The following ZNF217 variants were observed in gnomAD, a reference collection of about 807,000 sequenced individuals.
ZNF217 encodes the protein zinc finger protein 217.
ZNF217 carries 12 observed loss-of-function variants against 73.3 expected under a neutral mutation model. That is an observed-to-expected ratio of 0.16 (90% CI 0.10 to 0.27). The LOEUF (loss-of-function observed/expected upper bound fraction) is 0.27. Among genes scored for constraint, ZNF217 ranks in the 10% least tolerant of loss-of-function variants. The pLI is 1.00. For synonymous variants in ZNF217, 588 were observed against 516.4 expected, an observed-to-expected ratio of 1.14 and a Z score of -1.88; for missense variants, 1,195 against 1,327.8, an observed-to-expected ratio of 0.90 and a Z score of 1.55.
rs748966980 is a variant in ZNF217 at position 53,575,985 on chromosome 20, G to C, written c.2779C>G (p.Leu927Val). 5 of 1,614,208 alleles carry C rather than the reference G, an allele frequency of 3.1e-6. No individual in the cohort carries two copies. The Admixed American group carries it at 8.3e-5, about 27-fold the overall frequency. The change falls in exon 4 of 6, where the codon CTT becomes GTT. Residue 927 changes from leucine (L) to valine (V), a missense_variant. Transcript: ENST00000371471. ...PKRLKSSVVA[L>V]DVDQPGANYR... Reference sequence around the variant, plus strand: ...TTGGCCCCGGGCTGGTCAACGTCAAGGGCAACCACGCTGGACTTCAGTCTT... The same window carrying C: ...TTGGCCCCGGGCTGGTCAACGTCAACGGCAACCACGCTGGACTTCAGTCTT...
chr20:53,583,168 C>G lies in ZNF217; in HGVS notation c.-342G>C. ...ACCTGGAGACAAGGGATTTCCAAAC[C>G]CTAGAGGAAAAAAAACAGAAACGGT... On this transcript the variant is annotated splice_region_variant and 5_prime_UTR_variant, in exon 2 of 6. Coordinates refer to ENST00000371471, the MANE Select transcript of ZNF217 (RefSeq NM_006526.3). 1 of 410,726 alleles carries G rather than the reference C, an allele frequency of 2.4e-6. No individual in the cohort carries two copies. Among genetic ancestry groups the G allele is most frequent in the African/African-American group, 2.1e-5 (1 of 48,764 alleles). 25.4% of individuals were successfully genotyped at this position (410,726 alleles called of 1,614,324 possible). A position where few individuals can be genotyped will look rare whatever the true frequency, so the allele number is the denominator to read the frequency against.
intron 3 of ZNF217, 150 bp downstream of exon 3, chr20:53,578,184 G>A: frequency 1.9e-6 from 1 of 530,846 alleles, no homozygotes. Flanking sequence ...GGCACTAAAA[G>A]AATAAAAATA....
rs139129142 is a variant in ZNF217 at position 53,582,699 on chromosome 20, G to A, written c.128C>T (p.Thr43Ile). The A allele has an allele frequency of 2.5e-6, 4 of 1,613,956 alleles. No individual in the cohort carries two copies. Among genetic ancestry groups the A allele is most frequent in the Non-Finnish European group, 3.4e-6 (4 of 1,180,026 alleles). Residue 43 changes from threonine (T) to isoleucine (I), a missense_variant, in exon 2 of 6, where the codon ACC becomes ATC. By Grantham distance (89) the Thr-to-Ile change is moderately conservative. Around this residue, in one of 9 missense-constraint regions of ZNF217, gnomAD observed 147 missense variants for 184.3 expected, o/e 0.80. Coordinates refer to ENST00000371471, the MANE Select transcript of ZNF217 (RefSeq NM_006526.3). The surrounding 1 kb of genome is among the most constrained non-coding windows in gnomAD (Gnocchi z 4.8). ...TGTAGCTCGGAATGGAACAACAGCG[G>A]TCCCTTTCATTGACAAGGCATCCTC... Reference protein sequence around the residue: ...EMEDALSMKGTAVVPFRATQE... With the variant: ...EMEDALSMKGIAVVPFRATQE...
rs1988309744 is a variant in ZNF217 at position 53,577,086 on chromosome 20, A to C, written c.1678T>G (p.Phe560Val). The change falls in exon 4 of 6, where the codon TTT (phenylalanine) becomes GTT (valine). Residue 560 changes from phenylalanine to valine, a missense_variant. Phe to Val is a conservative substitution (Grantham distance 50). This residue lies in a region of ZNF217 where 649 missense variants were observed against 642.8 expected (regional missense o/e 1.01). Transcript: ENST00000371471. ...GTAACATCTTTGGCACCATCAAAAA[A>C]TCTTTTCAAATTTTTGGTTTGCGCA... ...DSAQTKNLKR[F>V]FDGAKDVTGS... 3 of 1,614,102 alleles carry C rather than the reference A, an allele frequency of 1.9e-6. No homozygotes were observed. Among genetic ancestry groups the C allele is most frequent in the African/African-American group, 1.3e-5 (1 of 74,928 alleles).
chr20:53,594,490 G>A (rs538063658), upstream of ZNF217, among the ~76,000 whole-genome samples: 4 of 151,226 alleles, frequency 2.6e-5, no homozygotes, highest in South Asian at 2.1e-4. Flanking sequence ...GCGAGCGCGC[G>A]CACTCCCAGT....
At position 53,583,786 on chromosome 20, in the gene ZNF217, T is replaced by G. The variant is rs549155694; in HGVS notation, c.-342-618A>C. Among the ~76,000 whole-genome samples, 166 of 152,392 alleles carry G rather than the reference T, an allele frequency of 1.1e-3. 1 individual carries two copies. Among genetic ancestry groups the G allele is most frequent in the African/African-American group, 3.6e-3 (149 of 41,586 alleles). On this transcript the variant is annotated intron_variant, in intron 1 of 5. Coordinates refer to ENST00000371471, the MANE Select transcript of ZNF217 (RefSeq NM_006526.3). ...TAACACCTCAGAATGGTCACTCATCTTGGCCAGGGGAACCCTGATATATTT... is the reference window on the plus strand; with the variant it reads ...TAACACCTCAGAATGGTCACTCATCGTGGCCAGGGGAACCCTGATATATTT...
chr20:53,584,631 TCA>T (rs200377917), intron 1 of ZNF217, among the ~76,000 whole-genome samples: 1,708 of 152,330 alleles, frequency 0.011, 30 homozygotes, highest in African/African-American at 0.038. Flanking sequence ...CTTCAAGTTG[TCA>T]CTGCCACATA....
Position 53,582,605 on chromosome 20 carries a change from G to C in ZNF217, c.222C>G (p.Phe74Leu). The C allele has an allele frequency of 1.2e-6, 2 of 1,614,194 alleles. No individual in the cohort carries two copies. Among genetic ancestry groups the C allele is most frequent in the African/African-American group, 1.3e-5 (1 of 75,050 alleles). ...GTTTATTAAGGTCTTCTGAATGTGT[G>C]AAGGTCTGGCTGCAGAACATGCAAT... ...PLDCMFCSQTFTHSEDLNKHV... is the reference protein window; with the variant it reads ...PLDCMFCSQTLTHSEDLNKHV... The change falls in exon 2 of 6, where the codon TTC becomes TTG. Residue 74 changes from phenylalanine (F) to leucine (L), a missense_variant. By Grantham distance (22) the Phe-to-Leu change is conservative (BLOSUM62 0). Transcript: ENST00000371471. This position sits in a 1 kb window ranked among gnomAD's most constrained non-coding sequence, Gnocchi z 4.8.
chr20:53,579,023 A>G (rs972585528), intron 2 of ZNF217, among the ~76,000 whole-genome samples: 2 of 152,242 alleles, frequency 1.3e-5, no homozygotes, highest in African/African-American at 4.8e-5. Flanking sequence ...AAGTCTGTCA[A>G]AATTTAGCAA....
upstream of ZNF217, among the ~76,000 whole-genome samples, chr20:53,596,253 G>C (rs1437294168): frequency 6.9e-6 from 1 of 145,150 alleles, no homozygotes; most frequent in Admixed American, 6.9e-5. Flanking sequence ...AAAAAAAAAA[G>C]AGAGCGCCTT....
At chr20:53,591,792 C>A (rs1988885155) in intron 1 of ZNF217, among the ~76,000 whole-genome samples, 1 of 152,156 alleles carries the variant, frequency 6.6e-6, no homozygotes, top group South Asian at 2.1e-4. Context: ...CACATCAAGG[C>A]TTTTAGAAAC....
At position 53,581,331 on chromosome 20, in the gene ZNF217, C is replaced by A. The variant is rs1330665290; in HGVS notation, c.1366+130G>T. 3 of 1,316,732 alleles carry A rather than the reference C, an allele frequency of 2.3e-6. No homozygotes were observed. The African/African-American group carries it at 4.4e-5, about 19-fold the overall frequency. The allele number at this position is 1,316,732 out of a possible 1,614,324, so 81.6% of individuals were successfully genotyped here. Reference sequence around the variant, plus strand: ...TACACAGAGTGATACCAAAAAGAGCCTGGACTTGACTCTGGCTCTCCAAAC... The same window carrying A: ...TACACAGAGTGATACCAAAAAGAGCATGGACTTGACTCTGGCTCTCCAAAC... On this transcript the variant is annotated intron_variant, in intron 2 of 5. Transcript: ENST00000371471. This position sits in a 1 kb window ranked among gnomAD's most constrained non-coding sequence, Gnocchi z 4.9.
upstream of ZNF217, among the ~76,000 whole-genome samples, chr20:53,594,473 G>C (rs901207510): frequency 6.6e-6 from 1 of 151,170 alleles, no homozygotes; most frequent in African/African-American, 2.4e-5. Flanking sequence ...CGGGACGGGA[G>C]CGAGCGGCGA....
At position 53,575,825 on chromosome 20, in the gene ZNF217, G is replaced by T. The variant is rs200227643; in HGVS notation, c.2939C>A (p.Ser980Tyr). 2 of 1,614,206 alleles carry T rather than the reference G, an allele frequency of 1.2e-6. No individual in the cohort carries two copies. The highest frequency in any genetic ancestry group is 2.2e-5 in the East Asian group (1 of 44,888). ...PRFLSSSEVD[S>Y]PNVLTVQKPY... ...CTTCTGAACAGTCAGCACATTTGGA[G>T]AATCGACCTCGCTGGAGCTCAGGAA... Residue 980 changes from serine to tyrosine, a missense_variant, in exon 4 of 6, where the codon TCT becomes TAT. Ser to Tyr is a moderately radical substitution (Grantham distance 144). Transcript: ENST00000371471.
intron 1 of ZNF217, among the ~76,000 whole-genome samples, chr20:53,592,738 C>T (rs1305472562): frequency 2.0e-5 from 3 of 151,818 alleles, no homozygotes; most frequent in East Asian, 2.0e-4. Flanking sequence ...CTCCACCATC[C>T]CGTCCGGCTC....
At chr20:53,597,392 C>G (rs1989060412), upstream of ZNF217, among the ~76,000 whole-genome samples, 1 of 152,050 alleles carries the variant, frequency 6.6e-6, no homozygotes, top group African/African-American at 2.4e-5. Flanking sequence ...GTTAGGCAAA[C>G]CTGCCAGCAT....
Position 53,576,140 on chromosome 20 carries a change from C to A in ZNF217, c.2624G>T (p.Ser875Ile). Residue 875 changes from serine (S) to isoleucine (I), a missense_variant, in exon 4 of 6, where the codon AGC (serine) becomes ATC (isoleucine). Transcript: ENST00000371471. ...GTCGATGGAACCATTGATGTTACTG[C>A]TGCCGAGGGTGGGCTGAGAAGGAGC... Reference protein sequence around the residue: ...PVAPSQPTLGSSNINGSIDYP... With the variant: ...PVAPSQPTLGISNINGSIDYP... 1.9e-6 allele frequency: 3 copies of A among 1,614,226 alleles called. No individual in the cohort carries two copies. The highest frequency in any genetic ancestry group is 2.5e-6 in the Non-Finnish European group (3 of 1,180,042).
At chr20:53,587,599 A>G (rs982915388) in intron 1 of ZNF217, among the ~76,000 whole-genome samples, 1 of 152,166 alleles carries the variant, frequency 6.6e-6, no homozygotes, top group Non-Finnish European at 1.5e-5. Flanking sequence ...CAGAAAAATT[A>G]TATTTATACA....
intron 4 of ZNF217, among the ~76,000 whole-genome samples, chr20:53,572,082 TAG>T (rs777979696): frequency 1.3e-5 from 2 of 152,160 alleles, no homozygotes; most frequent in African/African-American, 2.4e-5. Context: ...GGGCTGTCAC[TAG>T]AAAGAATTAA....
Sources: allele counts gnomAD v4.1 joint callset (sites outside exome capture counted in the v4.1 genomes callset), GRCh38; gene constraint gnomAD v4.1.1; regional missense constraint gnomAD v4.1.1; non-coding constraint Gnocchi (gnomAD v3.1); transcripts MANE v1.5; gene names NCBI Gene and HGNC (gene_info 2026-07-23, HGNC 2026-07-21).